Variants in DIP2A observed in about 807,000 individuals in gnomAD.
DIP2A encodes the protein disco-interacting protein 2 homolog A.
A neutral mutation model predicts 177.4 loss-of-function variants in DIP2A; 85 were observed. The ratio of observed to expected loss-of-function variants is 0.48; its 90% CI spans 0.40 to 0.57. The LOEUF (loss-of-function observed/expected upper bound fraction) is 0.57. DIP2A is among the 20% of genes least tolerant of loss of function. DIP2A has a pLI of 0.00. For missense variants in DIP2A, 1,791 were observed against 2,100.2 expected (o/e 0.85, Z 2.88); for synonymous variants, 886 against 881.8 (o/e 1.00, Z -0.08).
In DIP2A at chr21:46,557,082, C is replaced by A. The variant is rs369717182; in HGVS notation, c.3629+13C>A. 1.3e-6 allele frequency: 2 copies of A among 1,588,834 alleles called. No homozygotes were observed. The highest frequency in any genetic ancestry group is 2.3e-5 in the East Asian group (1 of 44,194). The stretch of plus-strand genomic sequence containing the variant: ...GGTGTCTGTGCAGGTGAGTGCAGGG[C>A]CCCTGCTGCCTGCCAGGTGGGAGCA... On this transcript the variant is annotated intron_variant, in intron 30 of 37. Transcript: ENST00000417564. This position sits in a 1 kb window ranked among gnomAD's most constrained non-coding sequence, Gnocchi z 6.0.
chr21:46,539,985 T>G lies in DIP2A; in HGVS notation c.2030T>G (p.Ile677Ser). ...ASSPEALTVA[I>S]RRPPDLGGPP... ...TCTCCTGAGGCGCTGACTGTCGCCA[T>G]CCGCAGGTAACCTTATTCCTTGCTA... The change falls in exon 17 of 38, where the codon ATC (isoleucine) becomes AGC (serine). Residue 677 changes from isoleucine (I) to serine (S), a missense_variant. Transcript: ENST00000417564. 6.2e-7 allele frequency: 1 copy of G among 1,613,630 alleles called. No homozygotes were observed. The highest frequency in any genetic ancestry group is 8.5e-7 in the Non-Finnish European group (1 of 1,179,510).
At chr21:46,555,343 G>A (rs991123571) in intron 28 of DIP2A, among the ~76,000 whole-genome samples, 1 of 152,252 alleles carries the variant, frequency 6.6e-6, no homozygotes, top group African/African-American at 2.4e-5. Flanking sequence ...CCAACAGGGT[G>A]AGGGTCAGAA....
rs139290554 is a variant in DIP2A at position 46,535,893 on chromosome 21, G to A, written c.1642+1206G>A. ...GGAGTTTTGGGCTGTAGTGGGCTGTGCTAACCAGGTATCTGCACGAAGTTT... is the reference window on the plus strand; with the variant it reads ...GGAGTTTTGGGCTGTAGTGGGCTGTACTAACCAGGTATCTGCACGAAGTTT... On this transcript the variant is annotated intron_variant, in intron 13 of 37. Coordinates refer to ENST00000417564, the MANE Select transcript of DIP2A (RefSeq NM_015151.4). 2.0e-5 allele frequency among the ~76,000 whole-genome samples: 3 copies of A among 152,272 alleles called. No individual in the cohort carries two copies. In the East Asian group the frequency reaches 5.8e-4, roughly 29 times the overall value.
intron 13 of DIP2A, among the ~76,000 whole-genome samples, 169 bp downstream of exon 13, chr21:46,534,856 A>G (rs763032549): frequency 1.1e-4 from 16 of 152,198 alleles, no homozygotes; most frequent in Non-Finnish European, 2.2e-4. Context: ...TAGCATGCTT[A>G]CAGGGTCTCT....
intron 2 of DIP2A, among the ~76,000 whole-genome samples, chr21:46,489,211 T>G (rs1360079679): frequency 6.6e-6 from 1 of 152,244 alleles, no homozygotes; most frequent in Non-Finnish European, 1.5e-5. Context: ...CATTCTCCAG[T>G]GCTGTATAAC....
At chr21:46,534,158 A>G (rs368279698) in intron 12 of DIP2A, 45 bp downstream of exon 12, 5 of 1,467,130 alleles carry the variant, frequency 3.4e-6, no homozygotes, top group Non-Finnish European at 4.7e-6. Context: ...CATGTCCCAC[A>G]GGCTTAAGTC....
intron 20 of DIP2A, 129 bp from the exon 21 acceptor site, chr21:46,546,786 A>G: frequency 9.6e-7 from 1 of 1,037,738 alleles, no homozygotes; most frequent in Non-Finnish European, 1.4e-6. Context: ...TCTGTGGGGC[A>G]TTGACCCGTT....
At chr21:46,502,393 A>G (rs796579271) in intron 5 of DIP2A, among the ~76,000 whole-genome samples, 32 of 150,054 alleles carry the variant, frequency 2.1e-4, no homozygotes, top group African/African-American at 7.6e-4. Flanking sequence ...CAGCCTCCCA[A>G]AGTGCTGGGA....
At chr21:46,572,897 A>G (rs1769983574), downstream of DIP2A, among the ~76,000 whole-genome samples, 1 of 152,160 alleles carries the variant, frequency 6.6e-6, no homozygotes. Context: ...AGTGCATTAC[A>G]ATTGCCTACA....
At chr21:46,530,133 G>A (rs1417102367) in intron 9 of DIP2A, among the ~76,000 whole-genome samples, 1 of 152,148 alleles carries the variant, frequency 6.6e-6, no homozygotes, top group Non-Finnish European at 1.5e-5. Flanking sequence ...AGGCAAGCTG[G>A]ACCAGACCGG....
chr21:46,470,272 C>A lies in DIP2A; in HGVS notation c.91+11050C>A, dbSNP rs559084229. ...GGCGGATCACCTGGGGTTGGGAGTT[C>A]GAGACCAGCCTGACCAACGTGGAGA... On this transcript the variant is annotated intron_variant, in intron 1 of 37. Coordinates refer to ENST00000417564, the MANE Select transcript of DIP2A (RefSeq NM_015151.4). Among the ~76,000 whole-genome samples, 4 of 152,104 alleles carry A rather than the reference C, an allele frequency of 2.6e-5. No individual in the cohort carries two copies. The South Asian group carries it at 8.3e-4, about 32-fold the overall frequency.
intron 1 of DIP2A, among the ~76,000 whole-genome samples, chr21:46,474,628 G>GT (rs1443158067): frequency 2.6e-5 from 4 of 152,070 alleles, no homozygotes; most frequent in Non-Finnish European, 5.9e-5. Context: ...GGTTGAAGAG[G>GT]TTTTTTTGTT....
At chr21:46,565,061 G>A (rs2839330) in intron 35 of DIP2A, among the ~76,000 whole-genome samples, 1 of 152,178 alleles carries the variant, frequency 6.6e-6, no homozygotes, top group East Asian at 1.9e-4. Flanking sequence ...CGAACTGACC[G>A]TGGGTTCTGG....
At chr21:46,482,748 C>T (rs983239006) in intron 1 of DIP2A, among the ~76,000 whole-genome samples, 2 of 152,020 alleles carry the variant, frequency 1.3e-5, no homozygotes, top group Non-Finnish European at 2.9e-5. Flanking sequence ...AATTGTGTTG[C>T]CGAGTGAAGG....
intron 17 of DIP2A, 42 bp from the exon 18 acceptor site, chr21:46,541,714 A>T (rs373653515): frequency 3.5e-5 from 56 of 1,612,050 alleles, no homozygotes; most frequent in Non-Finnish European, 4.4e-5. Context: ...CTGGAATTTC[A>T]TCCCCCTCGT....
At position 46,566,541 on chromosome 21, in the gene DIP2A, A is replaced by C; in HGVS notation, c.4340-19A>C. On this transcript the variant is annotated intron_variant, in intron 36 of 37. Transcript: ENST00000417564. ...ATGCCTTGGCTTTCTGGGCACGTGT[A>C]AACACACACTGTTCACAGGGCGGCA... 2 of 1,613,976 alleles carry C rather than the reference A, an allele frequency of 1.2e-6. No individual in the cohort carries two copies. The highest frequency in any genetic ancestry group is 3.3e-5 in the Admixed American group (2 of 60,018).
chr21:46,523,108 A>G lies in DIP2A; in HGVS notation c.1103-5984A>G, dbSNP rs1037941279. Among the ~76,000 whole-genome samples the G allele has an allele frequency of 4.4e-4, 66 of 151,570 alleles. 2 individuals are homozygous for G. Among genetic ancestry groups the G allele is most frequent in the Non-Finnish European group, 2.4e-4 (16 of 67,932 alleles). ...GCCCAGCTAATTTTGTATTTTTAGT[A>G]GAGATGGGGTTTCTCCATGTTGATC... On this transcript the variant is annotated intron_variant, in intron 8 of 37. Transcript: ENST00000417564.
intron 1 of DIP2A, among the ~76,000 whole-genome samples, chr21:46,480,648 C>T (rs757869261): frequency 3.3e-5 from 5 of 152,126 alleles, no homozygotes; most frequent in Non-Finnish European, 7.4e-5. Flanking sequence ...TCTTTGGACC[C>T]GTTCTTTGGC....
chr21:46,523,207 G>T (rs1415024608), intron 8 of DIP2A, among the ~76,000 whole-genome samples: 1 of 151,392 alleles, frequency 6.6e-6, no homozygotes, highest in Non-Finnish European at 1.5e-5. Flanking sequence ...TTATAGATGT[G>T]AGCCACCAAT....
Sources: gnomAD v4.1 joint callset for allele counts (sites outside exome capture counted in the v4.1 genomes callset) on GRCh38, gnomAD v4.1.1 for gene constraint, Gnocchi (gnomAD v3.1) non-coding constraint, MANE v1.5 for transcripts, NCBI Gene and HGNC (gene_info 2026-07-23, HGNC 2026-07-21) for gene names.